The following PCDHA5 variants were observed in gnomAD, a reference collection of about 807,000 sequenced individuals.
PCDHA5 encodes protocadherin alpha-5.
Under a neutral mutation model 61.6 loss-of-function variants are expected in PCDHA5, and 43 were observed. That is an observed-to-expected ratio of 0.70 (90% CI 0.55 to 0.90). The LOEUF (loss-of-function observed/expected upper bound fraction) is 0.90, where lower values mean the gene tolerates loss of function less well. PCDHA5 is among the 40% of genes least tolerant of loss of function. The pLI is 0.00. For missense variants in PCDHA5, 1,298 were observed against 1,222.7 expected (o/e 1.06, Z -0.92); for synonymous variants, 627 against 543.9 (o/e 1.15, Z -2.13).
intron 1 of PCDHA5, chr5:140,882,828 A>T: frequency 6.2e-7 from 1 of 1,614,226 alleles, no homozygotes; most frequent in Non-Finnish European, 8.5e-7. Context: ...AACAGTCTTG[A>T]GCAAATGTCT....
intron 1 of PCDHA5, chr5:140,866,190 G>C (rs1420527547): frequency 6.6e-6 from 1 of 152,128 alleles, no homozygotes; most frequent in African/African-American, 2.4e-5. Context: ...TCAGAAAACT[G>C]TGGTTTCCAA....
intron 1 of PCDHA5, among the ~76,000 whole-genome samples, chr5:140,946,631 T>TATACATACAC (rs57893927): frequency 7.6e-6 from 1 of 131,846 alleles, no homozygotes; most frequent in Non-Finnish European, 1.5e-5. Context: ...TATATATATA[T>TATACATACAC]ACAATGGAAT....
chr5:140,833,359 A>G (rs1015586759), intron 1 of PCDHA5, among the ~76,000 whole-genome samples: 1 of 152,216 alleles, frequency 6.6e-6, no homozygotes, highest in South Asian at 2.1e-4. Context: ...AAACGAACAC[A>G]GTAAGGTAGA....
rs116228766 is a variant in PCDHA5 at position 140,907,042 on chromosome 5, C to A, written c.2353-71907C>A. Among the ~76,000 whole-genome samples, 705 of 152,284 alleles carry A rather than the reference C, an allele frequency of 4.6e-3. 3 individuals carry two copies. The highest frequency in any genetic ancestry group is 0.016 in the African/African-American group (683 of 41,556). On this transcript the variant is annotated intron_variant, in intron 1 of 3. Coordinates refer to ENST00000529859, the MANE Select transcript of PCDHA5 (RefSeq NM_018908.3). The stretch of plus-strand genomic sequence containing the variant: ...CCAGCAGAACATAATGTCACAGGGA[C>A]AGTAAGCAAAAATTTTACTAGTGGG...
chr5:140,964,252 T>G (rs569615423), intron 1 of PCDHA5, among the ~76,000 whole-genome samples: 6 of 152,332 alleles, frequency 3.9e-5, no homozygotes, highest in African/African-American at 1.2e-4. Flanking sequence ...GGCTTTATAT[T>G]TGACTCCTTA....
intron 3 of PCDHA5, among the ~76,000 whole-genome samples, chr5:140,985,922 G>A (rs1361292887): frequency 6.6e-6 from 1 of 151,826 alleles, no homozygotes; most frequent in African/African-American, 2.4e-5. Flanking sequence ...TGTATTTTTA[G>A]TAGAGCCGGG....
rs2150353014 is a variant in PCDHA5 at position 140,843,115 on chromosome 5, C to T, written c.2352+18988C>T. 5.0e-6 allele frequency: 8 copies of T among 1,595,710 alleles called. 2 individuals carry two copies. Among genetic ancestry groups the T allele is most frequent in the African/African-American group, 2.7e-5 (2 of 74,438 alleles). On this transcript the variant is annotated intron_variant, in intron 1 of 3. Transcript: ENST00000529859. ...TGGTAGCGAAGGTGCGCGCAGTGGA[C>T]GCCGACTCGGGCTACAACGCGTGGC...
rs2150121761 is a variant in PCDHA5 at position 140,823,056 on chromosome 5, G to A, written c.1281G>A (p.Arg427=). 3.0e-3 allele frequency: 4,897 copies of A among 1,614,054 alleles called. 120 individuals are homozygous for A. The African/African-American group carries it at 0.055, about 18-fold the overall frequency. The change falls in exon 1 of 4, where the codon CGG becomes CGA. Residue 427 remains arginine, a synonymous_variant. Transcript: ENST00000529859. The stretch of plus-strand genomic sequence containing the variant: ...TCTATGAGCTGGTGGTGACCGCGCG[G>A]GACGGGGGCTCGCCTTCGCTGTGGG... ...VSVYELVVTA[R]DGGSPSLWAT...
At chr5:140,860,192 C>CATATATATATATATATATATAT (rs143984774) in intron 1 of PCDHA5, 4 of 146,814 alleles carry the variant, frequency 2.7e-5, no homozygotes, top group Admixed American at 6.8e-5. Context: ...GCTCTCCTTA[C>CATATATATATATATATATATAT]ATATATATCT....
intron 1 of PCDHA5, among the ~76,000 whole-genome samples, chr5:140,890,952 G>C (rs555852578): frequency 1.9e-4 from 29 of 152,236 alleles, no homozygotes; most frequent in African/African-American, 7.0e-4. Context: ...GGTGAGGAAT[G>C]ATTTCAGGTT....
intron 1 of PCDHA5, chr5:140,870,081 T>G (rs782572380): frequency 1.2e-6 from 2 of 1,613,698 alleles, no homozygotes. Context: ...ATAAGGGGAC[T>G]CCCCCAATGG....
intron 1 of PCDHA5, among the ~76,000 whole-genome samples, chr5:140,963,510 G>A (rs536524403): frequency 1.8e-4 from 28 of 152,328 alleles, no homozygotes; most frequent in Non-Finnish European, 2.8e-4. Flanking sequence ...TCTTGAAGGG[G>A]TTCTCATAAC....
At chr5:140,838,842 A>G (rs1775908349) in intron 1 of PCDHA5, among the ~76,000 whole-genome samples, 1 of 151,970 alleles carries the variant, frequency 6.6e-6, no homozygotes. Flanking sequence ...GGATCACTTA[A>G]GCCAGGGAGG....
At chr5:140,984,281 C>G (rs574169465) in intron 3 of PCDHA5, among the ~76,000 whole-genome samples, 32 of 152,336 alleles carry the variant, frequency 2.1e-4, no homozygotes, top group African/African-American at 7.5e-4. Context: ...AATACATTCT[C>G]CCTCCCATTG....
At chr5:140,913,384 C>T (rs1018271300) in intron 1 of PCDHA5, among the ~76,000 whole-genome samples, 1 of 152,144 alleles carries the variant, frequency 6.6e-6, no homozygotes, top group Non-Finnish European at 1.5e-5. Flanking sequence ...AGTGGCTCAT[C>T]ATAGCCACTA....
chr5:140,917,324 C>CGGGGGGGGGGGG (rs1299895515), intron 1 of PCDHA5, among the ~76,000 whole-genome samples: 1 of 76,120 alleles, frequency 1.3e-5, no homozygotes, highest in African/African-American at 4.3e-5. Context: ...GTTCATGTGG[C>CGGGGGGGGGGGG]GGGGGAGGGG....
intron 1 of PCDHA5, chr5:140,871,329 C>A (rs1164407502): frequency 6.2e-7 from 1 of 1,613,942 alleles, no homozygotes; most frequent in African/African-American, 1.3e-5. Flanking sequence ...TGTGCTCCCG[C>A]GCGGTGGGGA....
intron 1 of PCDHA5, chr5:140,882,224 G>A (rs781909276): frequency 1.5e-5 from 24 of 1,558,680 alleles, no homozygotes; most frequent in Non-Finnish European, 1.9e-5. Flanking sequence ...TTGAGGTAAG[G>A]CGTTGTATAT....
chr5:140,843,298 G>A, intron 1 of PCDHA5: 1 of 1,595,982 alleles, frequency 6.3e-7, no homozygotes, highest in Non-Finnish European at 8.6e-7. Context: ...AACCTGCGCT[G>A]ACCGCCACGG....
Sources: allele counts gnomAD v4.1 joint callset (sites outside exome capture counted in the v4.1 genomes callset), GRCh38; gene constraint gnomAD v4.1.1; transcripts MANE v1.5; gene names NCBI Gene and HGNC (gene_info 2026-07-23, HGNC 2026-07-21).